MICAL3: variants seen among roughly 807,000 people sequenced by gnomAD.
The protein encoded by MICAL3 is microtubule associated monooxygenase, calponin and LIM domain containing 3.
A neutral mutation model predicts 207.4 loss-of-function variants in MICAL3; 62 were observed. That is an observed-to-expected ratio of 0.30 (90% CI 0.24 to 0.37). MICAL3 has a LOEUF of 0.37. Ranked by LOEUF, MICAL3 falls within the 10% of genes least tolerant of loss-of-function variation. The pLI is 1.00. For missense variants in MICAL3, 2,368 were observed against 2,635.6 expected (o/e 0.90, Z 2.22); for synonymous variants, 1,077 against 1,069.3 (o/e 1.01, Z -0.14).
At chr22:17,839,332 C>T (rs113300866) in intron 20 of MICAL3, among the ~76,000 whole-genome samples, 18,929 of 143,484 alleles carry the variant, frequency 0.13, 1,972 homozygotes, top group African/African-American at 0.3. Context: ...ATCTGGCTGA[C>T]GGCAACCTCT....
At position 17,827,956 on chromosome 22, in the gene MICAL3, C is replaced by T. The variant is rs1052174442; in HGVS notation, c.3056-175G>A. On this transcript the variant is annotated intron_variant, in intron 21 of 31. Transcript: ENST00000441493. ...GTATACACACACACACACACACAGACGCATGGACACACAGACACACACGCA... is the reference window on the plus strand; with the variant it reads ...GTATACACACACACACACACACAGATGCATGGACACACAGACACACACGCA... 3.9e-5 allele frequency among the ~76,000 whole-genome samples: 6 copies of T among 152,030 alleles called. 1 individual carries two copies. The highest frequency in any genetic ancestry group is 4.1e-4 in the South Asian group (2 of 4,838).
At chr22:17,799,535 C>CT (rs2061914722) in intron 29 of MICAL3, among the ~76,000 whole-genome samples, 1 of 152,232 alleles carries the variant, frequency 6.6e-6, no homozygotes, top group Admixed American at 6.5e-5. Flanking sequence ...GTGTTGCTGA[C>CT]TAAGAAGGCA....
intron 27 of MICAL3, chr22:17,814,915 C>T (rs2062087539): frequency 6.6e-6 from 1 of 150,494 alleles, no homozygotes; most frequent in South Asian, 2.1e-4. Flanking sequence ...GTAGGTCATC[C>T]ATCCCCTAGC....
chr22:17,940,622 CAAGGA>C (rs755530019), intron 1 of MICAL3, among the ~76,000 whole-genome samples: 30 of 152,056 alleles, frequency 2.0e-4, no homozygotes, highest in Middle Eastern at 3.4e-3. Context: ...AAGCTCATTA[CAAGGA>C]AAGAGGCAAA....
chr22:17,834,498 T>C (rs1055349262), intron 20 of MICAL3: 18 of 1,258,738 alleles, frequency 1.4e-5, no homozygotes, highest in Non-Finnish European at 1.9e-5. Context: ...GGTGGATCAT[T>C]TGAGCCCAGG....
intron 1 of MICAL3, among the ~76,000 whole-genome samples, chr22:17,982,785 TAAAA>T (rs1935985858): frequency 1.3e-5 from 2 of 149,612 alleles, no homozygotes; most frequent in African/African-American, 4.9e-5. Context: ...TAAAATAAAA[TAAAA>T]TAAAATAAAA....
intron 1 of MICAL3, among the ~76,000 whole-genome samples, chr22:17,978,872 T>C (rs1402885136): frequency 7.2e-6 from 1 of 138,064 alleles, no homozygotes; most frequent in South Asian, 2.2e-4. Flanking sequence ...AATAAAGCTG[T>C]TTAAAAGAAA....
chr22:17,847,862 G>A (rs1044958211), intron 19 of MICAL3, among the ~76,000 whole-genome samples: 30 of 152,044 alleles, frequency 2.0e-4, no homozygotes, highest in Admixed American at 1.9e-3. Flanking sequence ...ATAGGGTCTC[G>A]CTATGTTGCC....
intron 1 of MICAL3, among the ~76,000 whole-genome samples, chr22:17,933,512 GA>G (rs1384119194): frequency 6.6e-6 from 1 of 152,104 alleles, no homozygotes; most frequent in Non-Finnish European, 1.5e-5. Context: ...GCCCACAAGA[GA>G]AAGCAGGAAA....
rs746205918 is a variant in MICAL3, at chr22:17,819,020, G to A, written c.3641C>T (p.Ser1214Leu). 7.5e-6 allele frequency: 12 copies of A among 1,607,226 alleles called. No homozygotes were observed. Among genetic ancestry groups the A allele is most frequent in the Admixed American group, 5.1e-5 (3 of 59,280 alleles). The change falls in exon 26 of 32, where the codon TCG (serine) becomes TTG (leucine). Residue 1214 changes from serine (S) to leucine (L), a missense_variant. This residue lies in a region of MICAL3 where 1,770 missense variants were observed against 1,863.2 expected (regional missense o/e 0.95). Transcript: ENST00000441493. Reference sequence around the variant, plus strand: ...GGGAGAGTGCACAGCTTTCAGATCCGAGGGGGCATCAGCTTTGGGCTTCTC... The same window carrying A: ...GGGAGAGTGCACAGCTTTCAGATCCAAGGGGGCATCAGCTTTGGGCTTCTC... The part of the protein sequence containing the change: ...PKEKPKADAP[S>L]DLKAVHSPIR...
intron 1 of MICAL3, among the ~76,000 whole-genome samples, chr22:17,981,172 T>C (rs1446893510): frequency 6.6e-6 from 1 of 152,158 alleles, no homozygotes; most frequent in Non-Finnish European, 1.5e-5. Flanking sequence ...GTAATAAATA[T>C]ATATCATAAA....
chr22:18,014,381 T>G (rs1923926766), intron 1 of MICAL3, among the ~76,000 whole-genome samples: 1 of 152,172 alleles, frequency 6.6e-6, no homozygotes, highest in African/African-American at 2.4e-5. Flanking sequence ...GAACTGTATA[T>G]TAGGCCATTC....
intron 27 of MICAL3, chr22:17,811,115 C>G (rs2062043988): frequency 3.3e-6 from 1 of 301,024 alleles, no homozygotes; most frequent in Admixed American, 4.5e-5. Context: ...TGAGTGGGGA[C>G]CGACTGTTAG....
In MICAL3 at chr22:17,896,122, T is replaced by G. The variant is rs1930804027; in HGVS notation, c.1322+124A>C. ...TATCTTGCCTTTCCTCTTTTCCACA[T>G]GAAAACATCTTTAATTAAGAAGGCA... On this transcript the variant is annotated intron_variant, in intron 9 of 31. Transcript: ENST00000441493. 4 of 584,584 alleles carry G rather than the reference T, an allele frequency of 6.8e-6. No homozygotes were observed. In the Admixed American group the frequency reaches 1.2e-4, roughly 18 times the overall value. 36.2% of individuals were successfully genotyped at this position (584,584 alleles called of 1,614,324 possible).
chr22:17,875,682 TAAAAAAAAAAAA>T lies in MICAL3; in HGVS notation c.2242-3671_2242-3660del, dbSNP rs60415785. The stretch of plus-strand genomic sequence containing the variant: ...ACCTTTATCTAAATACCATGTATAG[TAAAAAAAAAAAA>T]AAAAAAAAAGTAGCTCCAGAAGCAT... On this transcript the variant is annotated intron_variant, in intron 16 of 31. Coordinates refer to ENST00000441493, the MANE Select transcript of MICAL3 (RefSeq NM_015241.3). 12 of 170,776 alleles carry T rather than the reference TAAAAAAAAAAAA, an allele frequency of 7.0e-5. 1 individual carries two copies. The highest frequency in any genetic ancestry group is 1.7e-4 in the South Asian group (2 of 11,914). The allele number at this position is 170,776 out of a possible 1,614,324, so 10.6% of individuals were successfully genotyped here.
At chr22:18,021,742 A>G (rs886719464) in intron 1 of MICAL3, among the ~76,000 whole-genome samples, 2 of 152,150 alleles carry the variant, frequency 1.3e-5, no homozygotes, top group African/African-American at 4.8e-5. Context: ...TGGCCATTCT[A>G]TGGTAGGGAG....
In MICAL3 at chr22:17,818,658, G is replaced by A. The variant is rs1921235640; in HGVS notation, c.4003C>T (p.Arg1335Cys). 3 of 1,613,632 alleles carry A rather than the reference G, an allele frequency of 1.9e-6. No individual in the cohort carries two copies. Among genetic ancestry groups the A allele is most frequent in the Non-Finnish European group, 2.5e-6 (3 of 1,179,888 alleles). The change falls in exon 26 of 32, where the codon CGC becomes TGC. Residue 1335 changes from arginine (R) to cysteine (C), a missense_variant. This residue lies in a region of MICAL3 where 1,770 missense variants were observed against 1,863.2 expected (regional missense o/e 0.95). Transcript: ENST00000441493. Reference sequence around the variant, plus strand: ...ACAGGTGTGAGCCCGAGGCTGCGGCGGATCTCCGCACTCTTCATCCAGAAC... The same window carrying A: ...ACAGGTGTGAGCCCGAGGCTGCGGCAGATCTCCGCACTCTTCATCCAGAAC... ...EEFWMKSAEI[R>C]RSLGLTPVDR...
Position 17,790,584 on chromosome 22 carries a change from G to GC in MICAL3, c.*147_*148insG, listed in dbSNP as rs1352933069. ...ACCTGGGGCTCCCCACTGCACGCGGGACTCGACCACTTTCCAAGCAGCACA... is the reference window on the plus strand; with the variant it reads ...ACCTGGGGCTCCCCACTGCACGCGGGCACTCGACCACTTTCCAAGCAGCACA... On this transcript the variant is annotated 3_prime_UTR_variant, in exon 32 of 32. Transcript: ENST00000441493. The GC allele has an allele frequency of 2.8e-6, 2 of 720,720 alleles. No homozygotes were observed. The highest frequency in any genetic ancestry group is 4.5e-6 in the Non-Finnish European group (2 of 446,260). The allele number at this position is 720,720 out of a possible 1,614,324, so 44.6% of individuals were successfully genotyped here. A position where few individuals can be genotyped will look rare whatever the true frequency, so the allele number is the denominator to read the frequency against.
chr22:17,957,743 C>CGA (rs35596616), intron 1 of MICAL3, among the ~76,000 whole-genome samples: 28,246 of 138,116 alleles, frequency 0.2, 2,930 homozygotes, highest in Middle Eastern at 0.31. Context: ...AGAAAGAAAA[C>CGA]GAGAGAGAGA....
Sources: allele counts gnomAD v4.1 joint callset (sites outside exome capture counted in the v4.1 genomes callset), GRCh38; gene constraint gnomAD v4.1.1; regional missense constraint gnomAD v4.1.1; transcripts MANE v1.5; gene names NCBI Gene and HGNC (gene_info 2026-07-23, HGNC 2026-07-21).